Variants in NKAIN3 observed in about 807,000 individuals in gnomAD.
NKAIN3 encodes sodium/potassium transporting ATPase interacting 3, also known as sodium/potassium-transporting ATPase subunit beta-1-interacting protein 3.
A neutral mutation model predicts 30.2 loss-of-function variants in NKAIN3; 25 were observed. The observed-to-expected ratio is 0.83, with a 90% CI of 0.60 to 1.16. The LOEUF is 1.16. Ranked by LOEUF, NKAIN3 falls within the 50% of genes most tolerant of loss-of-function variation. The pLI is 0.00. For missense variants in NKAIN3, 225 were observed against 254.1 expected, an observed-to-expected ratio of 0.89 and a Z score of 0.78; for synonymous variants, 91 against 89.6, an observed-to-expected ratio of 1.02 and a Z score of -0.09.
intron 1 of NKAIN3, among the ~76,000 whole-genome samples, chr8:62,322,977 A>G (rs1450653781): frequency 6.6e-6 from 1 of 152,226 alleles, no homozygotes; most frequent in South Asian, 2.1e-4. Flanking sequence ...TAAAACAAAG[A>G]GATATCATTG....
At chr8:62,356,401 A>G (rs1423101971) in intron 1 of NKAIN3, among the ~76,000 whole-genome samples, 1 of 151,980 alleles carries the variant, frequency 6.6e-6, no homozygotes, top group Non-Finnish European at 1.5e-5. Context: ...TCTACAAACC[A>G]TAACTTACAT....
At chr8:62,432,391 C>T (rs1171941859) in intron 1 of NKAIN3, among the ~76,000 whole-genome samples, 1 of 152,028 alleles carries the variant, frequency 6.6e-6, no homozygotes, top group African/African-American at 2.4e-5. Flanking sequence ...TTGTTTACAA[C>T]TTGAGAATAA....
At chr8:62,495,132 G>T (rs930025584) in intron 1 of NKAIN3, among the ~76,000 whole-genome samples, 2 of 152,020 alleles carry the variant, frequency 1.3e-5, no homozygotes, top group Non-Finnish European at 2.9e-5. Flanking sequence ...TGCAGCAGCT[G>T]TAGTTCACAC....
chr8:62,738,591 A>G lies in NKAIN3; in HGVS notation c.274-8341A>G, dbSNP rs1219289368. Among the ~76,000 whole-genome samples, 6 of 108,638 alleles carry G rather than the reference A, an allele frequency of 5.5e-5. 1 individual carries two copies. The Admixed American group carries it at 7.5e-4, about 14-fold the overall frequency. The allele number at this position is 108,638 out of a possible 152,430, so 71.3% of individuals were successfully genotyped here. A position where few individuals can be genotyped will look rare whatever the true frequency, so the allele number is the denominator to read the frequency against. On this transcript the variant is annotated intron_variant, in intron 3 of 6. Coordinates refer to ENST00000623646, the MANE Select transcript of NKAIN3 (RefSeq NM_001304533.3). ...TCCACCCTGGGTGACAGAGCAAGAT[A>G]CTCCATCTCCAAAAAAAAAAAAAAA...
At chr8:62,367,960 A>G (rs1816790444) in intron 1 of NKAIN3, among the ~76,000 whole-genome samples, 1 of 152,106 alleles carries the variant, frequency 6.6e-6, no homozygotes, top group South Asian at 2.1e-4. Context: ...AAGTAAGAAA[A>G]CAATCCCATT....
chr8:62,550,221 T>C (rs1044658975), intron 1 of NKAIN3, among the ~76,000 whole-genome samples: 2 of 152,312 alleles, frequency 1.3e-5, no homozygotes, highest in Admixed American at 1.3e-4. Context: ...TTTTCATGCC[T>C]GCTCCCCTTT....
chr8:62,497,369 G>A (rs1807275177), intron 1 of NKAIN3, among the ~76,000 whole-genome samples: 1 of 151,856 alleles, frequency 6.6e-6, no homozygotes, highest in African/African-American at 2.4e-5. Context: ...TAGAAACAAT[G>A]ATACTTGAAG....
chr8:62,891,955 G>C (rs1821309232), intron 4 of NKAIN3, among the ~76,000 whole-genome samples: 1 of 152,074 alleles, frequency 6.6e-6, no homozygotes, highest in South Asian at 2.1e-4. Context: ...AACTATTTGA[G>C]AATCCATGAC....
chr8:62,856,730 C>T (rs893502308), intron 4 of NKAIN3: 1 of 697,674 alleles, frequency 1.4e-6, no homozygotes, highest in Non-Finnish European at 2.6e-6. Context: ...GCCCCTTAAA[C>T]TGGTCAAGCT....
chr8:62,737,910 T>G (rs1815729171), intron 3 of NKAIN3, among the ~76,000 whole-genome samples: 1 of 152,206 alleles, frequency 6.6e-6, no homozygotes, highest in Non-Finnish European at 1.5e-5. Flanking sequence ...TAAAATGAGT[T>G]ATCATTGATG....
At chr8:62,496,998 C>T (rs1183480171) in intron 1 of NKAIN3, among the ~76,000 whole-genome samples, 1 of 151,982 alleles carries the variant, frequency 6.6e-6, no homozygotes, top group South Asian at 2.1e-4. Flanking sequence ...TTTATGAACT[C>T]TTAATGAGTG....
intron 4 of NKAIN3, among the ~76,000 whole-genome samples, chr8:62,791,958 T>A (rs1817712715): frequency 6.6e-6 from 1 of 152,186 alleles, no homozygotes; most frequent in African/African-American, 2.4e-5. Flanking sequence ...TTTTGATATG[T>A]ATGCATTGTG....
At chr8:62,260,347 T>C (rs1013550026) in intron 1 of NKAIN3, among the ~76,000 whole-genome samples, 1 of 152,200 alleles carries the variant, frequency 6.6e-6, no homozygotes, top group African/African-American at 2.4e-5. Context: ...TAAATGATCA[T>C]AATTAAGACA....
At chr8:62,952,263 A>C (rs2130895441) in intron 5 of NKAIN3, among the ~76,000 whole-genome samples, 1 of 152,332 alleles carries the variant, frequency 6.6e-6, no homozygotes, top group East Asian at 1.9e-4. Context: ...GGTTAAAAAA[A>C]ACAAAAAATA....
At chr8:62,767,130 C>T (rs532778809) in intron 4 of NKAIN3, among the ~76,000 whole-genome samples, 192 of 152,252 alleles carry the variant, frequency 1.3e-3, no homozygotes, top group Non-Finnish European at 1.1e-3. Context: ...TTAATTCTTT[C>T]CCTCCGCATG....
rs146145254 is a variant in NKAIN3, at chr8:62,250,305, T to G, written c.54+1178T>G. Among the ~76,000 whole-genome samples, 348 of 152,310 alleles carry G rather than the reference T, an allele frequency of 2.3e-3. 2 individuals carry two copies. Among genetic ancestry groups the G allele is most frequent in the Admixed American group, 6.1e-3 (94 of 15,304 alleles). ...GAAAACCTCACTTTGGATGTGCCCT[T>G]CATTGTTCACATAATGCATGCATAA... On this transcript the variant is annotated intron_variant, in intron 1 of 6. Coordinates refer to ENST00000623646, the MANE Select transcript of NKAIN3 (RefSeq NM_001304533.3).
intron 5 of NKAIN3, among the ~76,000 whole-genome samples, chr8:62,992,443 G>A (rs906000144): frequency 1.3e-5 from 2 of 151,996 alleles, no homozygotes; most frequent in African/African-American, 4.8e-5. Flanking sequence ...TTTTGAATCA[G>A]TGAAACTTCC....
chr8:62,502,610 G>T (rs1363771612), intron 1 of NKAIN3, among the ~76,000 whole-genome samples: 4 of 151,206 alleles, frequency 2.6e-5, no homozygotes, highest in Admixed American at 1.3e-4. Flanking sequence ...CACTTTAAAT[G>T]TAGAATTCTT....
At chr8:62,572,628 G>T (rs1382764689) in intron 1 of NKAIN3, among the ~76,000 whole-genome samples, 1 of 152,186 alleles carries the variant, frequency 6.6e-6, no homozygotes, top group Non-Finnish European at 1.5e-5. Flanking sequence ...GTTCCACATG[G>T]CTGGGGAGGC....
Sources: allele counts gnomAD v4.1 joint callset (sites outside exome capture counted in the v4.1 genomes callset), GRCh38; gene constraint gnomAD v4.1.1; transcripts MANE v1.5; gene names NCBI Gene and HGNC (gene_info 2026-07-23, HGNC 2026-07-21).